SDCCAG8: variants seen among roughly 807,000 people sequenced by gnomAD.
The protein encoded by SDCCAG8 is serologically defined colon cancer antigen 8.
Under a neutral mutation model 101.8 loss-of-function variants are expected in SDCCAG8, and 74 were observed. The observed-to-expected ratio is 0.73, with a 90% CI of 0.60 to 0.88. The LOEUF (loss-of-function observed/expected upper bound fraction) is 0.88. Among genes scored for constraint, SDCCAG8 ranks in the 40% least tolerant of loss-of-function variants. The pLI is 0.00. For missense variants in SDCCAG8, 787 were observed against 822.6 expected (o/e 0.96, Z 0.53); for synonymous variants, 281 against 292.9 (o/e 0.96, Z 0.41).
At chr1:243,411,945 A>G (rs1045726089) in intron 13 of SDCCAG8, among the ~76,000 whole-genome samples, 2 of 152,168 alleles carry the variant, frequency 1.3e-5, no homozygotes, top group African/African-American at 4.8e-5. Flanking sequence ...AAGCAAACCA[A>G]TTGGAGAGAC....
chr1:243,279,932 A>G (rs2149275827), intron 4 of SDCCAG8, among the ~76,000 whole-genome samples: 1 of 152,336 alleles, frequency 6.6e-6, no homozygotes, highest in East Asian at 1.9e-4. Context: ...GAGTTAGGAA[A>G]TACTTCCTCT....
At chr1:243,279,786 T>C (rs2149275627) in intron 4 of SDCCAG8, among the ~76,000 whole-genome samples, 1 of 152,308 alleles carries the variant, frequency 6.6e-6, no homozygotes, top group Admixed American at 6.5e-5. Context: ...CTTTTTTACA[T>C]TGTTGGATTT....
intron 13 of SDCCAG8, 65 bp downstream of exon 13, chr1:243,378,928 T>C: frequency 6.3e-7 from 1 of 1,597,668 alleles, no homozygotes; most frequent in Non-Finnish European, 8.6e-7. Context: ...GCCACAGGCT[T>C]CCAAACAGTT....
At chr1:243,405,342 CA>C (rs1393212375) in intron 13 of SDCCAG8, among the ~76,000 whole-genome samples, 1 of 151,990 alleles carries the variant, frequency 6.6e-6, no homozygotes, top group African/African-American at 2.4e-5. Flanking sequence ...AAATTAAAAA[CA>C]AAATAAAAAA....
chr1:243,382,875 G>T (rs1455725337), intron 13 of SDCCAG8, among the ~76,000 whole-genome samples: 1 of 152,192 alleles, frequency 6.6e-6, no homozygotes, highest in East Asian at 1.9e-4. Flanking sequence ...ACAATTAAAG[G>T]TGACTGTAAG....
rs1296044370 is a variant in SDCCAG8 at position 243,344,295 on chromosome 1, A to G, written c.1437A>G (p.Arg479=). 1 of 1,613,972 alleles carries G rather than the reference A, an allele frequency of 6.2e-7. No homozygotes were observed. The highest frequency in any genetic ancestry group is 1.7e-5 in the Admixed American group (1 of 60,014). The change falls in exon 12 of 18, where the codon AGA becomes AGG. Residue 479 remains arginine (R), a synonymous_variant. Coordinates refer to ENST00000366541, the MANE Select transcript of SDCCAG8 (RefSeq NM_006642.5). Reference sequence around the variant, plus strand: ...CAGAAAAGGAGCACAGAGAGTTCAGAGCAAAAACTAACAGGGATCTTGAAA... The same window carrying G: ...CAGAAAAGGAGCACAGAGAGTTCAGGGCAAAAACTAACAGGGATCTTGAAA... The part of the protein sequence containing the change: ...DEAEKEHREF[R]AKTNRDLEIK...
At chr1:243,271,612 G>A (rs1033582621) in intron 3 of SDCCAG8, among the ~76,000 whole-genome samples, 4 of 151,688 alleles carry the variant, frequency 2.6e-5, no homozygotes, top group South Asian at 4.2e-4. Flanking sequence ...GCATGATCTC[G>A]CCTCACTACA....
intron 5 of SDCCAG8, among the ~76,000 whole-genome samples, chr1:243,288,808 A>G (rs1301883771): frequency 6.6e-6 from 1 of 152,040 alleles, no homozygotes; most frequent in Non-Finnish European, 1.5e-5. Context: ...GGAAATAGAG[A>G]CCATCCTGGC....
rs936817854 is a variant in SDCCAG8, at chr1:243,288,314, TA to T, written c.546+1927del. Among the ~76,000 whole-genome samples, 12 of 148,340 alleles carry T rather than the reference TA, an allele frequency of 8.1e-5. No homozygotes were observed. The Middle Eastern group carries it at 0.01, about 126-fold the overall frequency. On this transcript the variant is annotated intron_variant, in intron 5 of 17. Transcript: ENST00000366541. ...TAGTGAGACCCCATCTCTCTAAAAA[TA>T]AAAAAAAAATTAGCCGAGCATGCTG...
At chr1:243,333,828 T>C (rs2074801545) in intron 10 of SDCCAG8, among the ~76,000 whole-genome samples, 1 of 152,202 alleles carries the variant, frequency 6.6e-6, no homozygotes, top group South Asian at 2.1e-4. Flanking sequence ...AGGAGACACA[T>C]CCAGAAAGCA....
intron 13 of SDCCAG8, among the ~76,000 whole-genome samples, chr1:243,399,900 C>T (rs567335351): frequency 4.6e-5 from 7 of 152,186 alleles, no homozygotes; most frequent in African/African-American, 1.4e-4. Flanking sequence ...CACTTAATCC[C>T]CACATAACCC....
At chr1:243,498,734 T>C (rs1265042722) in intron 17 of SDCCAG8, among the ~76,000 whole-genome samples, 1 of 152,268 alleles carries the variant, frequency 6.6e-6, no homozygotes, top group Non-Finnish European at 1.5e-5. Flanking sequence ...ATGTTAATGA[T>C]GGCTTAAATT....
chr1:243,488,359 T>A (rs1411474813), intron 16 of SDCCAG8: 2 of 153,956 alleles, frequency 1.3e-5, no homozygotes, highest in Non-Finnish European at 2.9e-5. Context: ...CTCGCTTCTT[T>A]CCAGAACACT....
chr1:243,282,743 C>A (rs1376526136), intron 4 of SDCCAG8, among the ~76,000 whole-genome samples: 1 of 152,168 alleles, frequency 6.6e-6, no homozygotes, highest in East Asian at 1.9e-4. Context: ...ATTTTATTCT[C>A]TTCCTGTTTG....
chr1:243,309,714 G>T (rs1199709669), intron 8 of SDCCAG8, among the ~76,000 whole-genome samples: 1 of 152,088 alleles, frequency 6.6e-6, no homozygotes, highest in African/African-American at 2.4e-5. Flanking sequence ...TGTTGCCCAG[G>T]CTGTTCTTGA....
chr1:243,462,868 CA>C (rs11299406), intron 16 of SDCCAG8, among the ~76,000 whole-genome samples: 6,173 of 150,414 alleles, frequency 0.041, 393 homozygotes, highest in African/African-American at 0.14. Flanking sequence ...CAAAACAAAA[CA>C]AAAAAAAACC....
chr1:243,436,645 C>T (rs2082154705), intron 16 of SDCCAG8, among the ~76,000 whole-genome samples: 1 of 152,122 alleles, frequency 6.6e-6, no homozygotes, highest in African/African-American at 2.4e-5. Context: ...AACTTCTACT[C>T]CTGGGAGGGA....
chr1:243,458,027 TC>T lies in SDCCAG8; in HGVS notation c.1986-30985del, dbSNP rs1470277849. ...TCAGGTGTGCTGGTATGGATAGAGG[TC>T]CTGCAGAAACCTTCAGGACCCATCC... On this transcript the variant is annotated intron_variant, in intron 16 of 17. Coordinates refer to ENST00000366541, the MANE Select transcript of SDCCAG8 (RefSeq NM_006642.5). This position sits in a 1 kb window ranked among gnomAD's most constrained non-coding sequence, Gnocchi z 4.5. 6.6e-6 allele frequency among the ~76,000 whole-genome samples: 1 copy of T among 152,194 alleles called. No homozygotes were observed. The highest frequency in any genetic ancestry group is 1.9e-4 in the East Asian group (1 of 5,196).
chr1:243,300,011 C>T (rs934185291), intron 6 of SDCCAG8, among the ~76,000 whole-genome samples: 3 of 151,964 alleles, frequency 2.0e-5, no homozygotes, highest in African/African-American at 7.3e-5. Context: ...AATATAGGCG[C>T]ATGCCACCAC....
Sources: gnomAD v4.1 joint callset for allele counts (sites outside exome capture counted in the v4.1 genomes callset) on GRCh38, gnomAD v4.1.1 for gene constraint, Gnocchi (gnomAD v3.1) non-coding constraint, MANE v1.5 for transcripts, NCBI Gene and HGNC (gene_info 2026-07-23, HGNC 2026-07-21) for gene names.